The following NXPH1 variants were observed in gnomAD, a reference collection of about 807,000 sequenced individuals.
The protein encoded by NXPH1 is neurexophilin 1, also known as neurexophilin-1.
In NXPH1, 5 loss-of-function variants were observed where a neutral mutation model predicts 23.7. That is an observed-to-expected ratio of 0.21 (90% CI 0.11 to 0.44). NXPH1 has a LOEUF of 0.44. Ranked by LOEUF, NXPH1 falls within the 20% of genes least tolerant of loss-of-function variation. NXPH1 has a pLI of 0.99. For missense variants in NXPH1, 324 were observed against 321.6 expected (o/e 1.01, Z -0.06); for synonymous variants, 144 against 122.2 (o/e 1.18, Z -1.18).
chr7:8,592,782 C>T (rs1819126770), intron 2 of NXPH1, among the ~76,000 whole-genome samples: 1 of 150,542 alleles, frequency 6.6e-6, no homozygotes, highest in Non-Finnish European at 1.5e-5. Context: ...TTTTTGGACA[C>T]TGAAGTTTGA....
intron 2 of NXPH1, among the ~76,000 whole-genome samples, chr7:8,625,309 A>G (rs542808661): frequency 6.6e-6 from 1 of 152,266 alleles, no homozygotes; most frequent in Admixed American, 6.5e-5. Flanking sequence ...TGAGGAGATG[A>G]TATATTATGT....
intron 2 of NXPH1, among the ~76,000 whole-genome samples, chr7:8,580,172 T>G (rs1235303136): frequency 1.3e-5 from 2 of 152,174 alleles, no homozygotes; most frequent in African/African-American, 4.8e-5. Context: ...ACCTTCCATG[T>G]AAGAGAACAG....
At chr7:8,595,716 TGTGA>T (rs1333047269) in intron 2 of NXPH1, among the ~76,000 whole-genome samples, 8 of 152,028 alleles carry the variant, frequency 5.3e-5, no homozygotes, top group Non-Finnish European at 1.0e-4. Flanking sequence ...TATTTGTGTG[TGTGA>T]GTGTGTGTCT....
intron 2 of NXPH1, among the ~76,000 whole-genome samples, chr7:8,555,144 G>C (rs141031036): frequency 4.6e-5 from 7 of 151,644 alleles, no homozygotes; most frequent in Non-Finnish European, 8.9e-5. Context: ...AAGAGCCTGT[G>C]GTTCTAATGG....
intron 2 of NXPH1, among the ~76,000 whole-genome samples, chr7:8,557,894 A>G (rs73050684): frequency 0.056 from 8,567 of 151,698 alleles, 297 homozygotes; most frequent in Middle Eastern, 0.1. Context: ...AATCCAGGCA[A>G]TTGCTTCTTT....
At chr7:8,493,194 C>T (rs1817280463) in intron 2 of NXPH1, among the ~76,000 whole-genome samples, 1 of 151,666 alleles carries the variant, frequency 6.6e-6, no homozygotes, top group Admixed American at 6.6e-5. Flanking sequence ...GGATTTTCTG[C>T]CCCCCAAATA....
chr7:8,658,605 T>C (rs913447372), intron 2 of NXPH1, among the ~76,000 whole-genome samples: 1 of 152,224 alleles, frequency 6.6e-6, no homozygotes, highest in Non-Finnish European at 1.5e-5. Context: ...TTGGCTTTGA[T>C]TTGTAAGTTA....
chr7:8,666,255 G>T (rs1335626068), intron 2 of NXPH1, among the ~76,000 whole-genome samples: 1 of 151,864 alleles, frequency 6.6e-6, no homozygotes, highest in African/African-American at 2.4e-5. Context: ...ATCATGAAGG[G>T]TTATTATGTT....
At chr7:8,627,713 A>G (rs913807043) in intron 2 of NXPH1, among the ~76,000 whole-genome samples, 2 of 152,172 alleles carry the variant, frequency 1.3e-5, no homozygotes, top group African/African-American at 4.8e-5. Context: ...AAAAAATGAT[A>G]GTCAAATTGC....
At chr7:8,502,485 A>T (rs2128612692) in intron 2 of NXPH1, among the ~76,000 whole-genome samples, 1 of 152,024 alleles carries the variant, frequency 6.6e-6, no homozygotes, top group African/African-American at 2.4e-5. Context: ...ATCCTCTTAC[A>T]TCAGTCAGAG....
At chr7:8,550,767 T>A (rs898499391) in intron 2 of NXPH1, among the ~76,000 whole-genome samples, 2 of 151,560 alleles carry the variant, frequency 1.3e-5, no homozygotes, top group Non-Finnish European at 3.0e-5. Flanking sequence ...ATCTTGTATT[T>A]CACTTAAGGT....
intron 2 of NXPH1, among the ~76,000 whole-genome samples, chr7:8,643,726 TC>T (rs1820353435): frequency 6.6e-6 from 1 of 152,204 alleles, no homozygotes; most frequent in South Asian, 2.1e-4. Flanking sequence ...ACTTTTAGGT[TC>T]TTTATTACTT....
rs373541323 is a variant in NXPH1, at chr7:8,551,606, G to C, written c.54+115839G>C. 2.6e-5 allele frequency among the ~76,000 whole-genome samples: 4 copies of C among 151,378 alleles called. No individual in the cohort carries two copies. The South Asian group carries it at 6.2e-4, about 24-fold the overall frequency. On this transcript the variant is annotated intron_variant, in intron 2 of 2. Transcript: ENST00000405863. ...TTACAGTTATCTTTTACAATTTTGA[G>C]GAAATTATCCTTTACAATTTTGGAA...
chr7:8,713,753 A>T (rs1338627568), intron 2 of NXPH1, among the ~76,000 whole-genome samples: 1 of 152,214 alleles, frequency 6.6e-6, no homozygotes, highest in African/African-American at 2.4e-5. Flanking sequence ...TAAGATCCAG[A>T]AGAATTCTCT....
chr7:8,707,895 C>A (rs1338000942), intron 2 of NXPH1, among the ~76,000 whole-genome samples: 1 of 152,014 alleles, frequency 6.6e-6, no homozygotes, highest in Non-Finnish European at 1.5e-5. Flanking sequence ...CTTTCTTATT[C>A]TTTATTTTCA....
intron 2 of NXPH1, among the ~76,000 whole-genome samples, chr7:8,461,843 A>AAAAAAAAAAAAAAAAAAAAAAAAG (rs758426131): frequency 1.6e-4 from 20 of 121,416 alleles, no homozygotes; most frequent in Middle Eastern, 4.2e-3. Flanking sequence ...TCTCAAAAAA[A>AAAAAAAAAAAAAAAAAAAAAAAAG]AAAAAAAAGA....
chr7:8,748,939 C>G (rs1780518301), intron 2 of NXPH1, among the ~76,000 whole-genome samples: 1 of 152,146 alleles, frequency 6.6e-6, no homozygotes, highest in African/African-American at 2.4e-5. Context: ...TTTGAACAGG[C>G]AAATAGGAGA....
At chr7:8,664,187 A>C (rs1234665691) in intron 2 of NXPH1, among the ~76,000 whole-genome samples, 1 of 151,868 alleles carries the variant, frequency 6.6e-6, no homozygotes, top group Admixed American at 6.6e-5. Flanking sequence ...AGCTTATCCC[A>C]TCTCCTCCCT....
At chr7:8,475,552 C>T (rs1441754696) in intron 2 of NXPH1, among the ~76,000 whole-genome samples, 2 of 152,128 alleles carry the variant, frequency 1.3e-5, no homozygotes, top group African/African-American at 2.4e-5. Flanking sequence ...CTGTGAATTG[C>T]ATAAAGTGGA....
Sources: allele counts gnomAD v4.1 joint callset (sites outside exome capture counted in the v4.1 genomes callset), GRCh38; gene constraint gnomAD v4.1.1; transcripts MANE v1.5; gene names NCBI Gene and HGNC (gene_info 2026-07-23, HGNC 2026-07-21).